SYN1: variants seen among roughly 807,000 people sequenced by gnomAD.
SYN1 encodes the protein synapsin I.
In SYN1, 8 loss-of-function variants were observed where a neutral mutation model predicts 44.6. That is an observed-to-expected ratio of 0.18 (90% CI 0.11 to 0.32). The LOEUF (loss-of-function observed/expected upper bound fraction) is 0.32. SYN1 is among the 10% of genes least tolerant of loss of function. The pLI is 1.00. For missense variants in SYN1, 451 were observed against 639.4 expected, an observed-to-expected ratio of 0.71 and a Z score of 3.18; for synonymous variants, 275 against 280.1, an observed-to-expected ratio of 0.98 and a Z score of 0.18.
At chrX:47,591,720 CA>C (rs150642282) in intron 5 of SYN1, among the ~76,000 whole-genome samples, 28,996 of 90,352 alleles carry the variant, frequency 0.32, 3,484 homozygotes, top group East Asian at 0.41. Flanking sequence ...CACCCTGTCT[CA>C]AAAAAAAAAA....
At position 47,576,546 on chromosome X, in the gene SYN1, T is replaced by C; in HGVS notation, c.932A>G (p.Lys311Arg). The stretch of plus-strand genomic sequence containing the variant: ...AATCTTCTGGACACGCACGTCATAT[T>C]TGGCATCGATGAAGGGCTCGGCAGT... ...YATAEPFIDA[K>R]YDVRVQKIGQ... The change falls in exon 7 of 13, where the codon AAA becomes AGA. Residue 311 changes from lysine (K) to arginine (R), a missense_variant. This residue lies in a region of SYN1 where 315 missense variants were observed against 451.4 expected (regional missense o/e 0.70). Transcript: ENST00000295987. 8.3e-7 allele frequency: 1 copy of C among 1,211,638 alleles called. No homozygotes were observed. Among genetic ancestry groups the C allele is most frequent in the Non-Finnish European group, 1.1e-6 (1 of 895,540 alleles).
At chrX:47,616,508 C>T (rs2057931838) in intron 1 of SYN1, among the ~76,000 whole-genome samples, 1 of 111,338 alleles carries the variant, frequency 9.0e-6, no homozygotes, top group Non-Finnish European at 1.9e-5. Flanking sequence ...GAGTGGAGAC[C>T]GGAAGTCTAA....
intron 5 of SYN1, chrX:47,583,351 G>T: frequency 8.8e-7 from 1 of 1,137,967 alleles, no homozygotes; most frequent in Admixed American, 2.4e-5. Context: ...TGGATGACCT[G>T]CCCAGGTCAG....
Position 47,576,510 on chromosome X carries a change from T to C in SYN1, c.968A>G (p.Tyr323Cys). The C allele has an allele frequency of 3.3e-6, 4 of 1,212,040 alleles. No homozygotes were observed. The highest frequency in any genetic ancestry group is 4.5e-6 in the Non-Finnish European group (4 of 895,597). The change falls in exon 7 of 13, where the codon TAC becomes TGC. Residue 323 changes from tyrosine (Y) to cysteine (C), a missense_variant. By Grantham distance (194) the Tyr-to-Cys change is radical. This residue lies in a region of SYN1 where 315 missense variants were observed against 451.4 expected (regional missense o/e 0.70). Transcript: ENST00000295987. ...DVRVQKIGQN[Y>C]KAYMRTSVSG... ...TCTCTCCACTCACATGTAGGCCTTGTAGTTCTGCCCAATCTTCTGGACACG... is the reference window on the plus strand; with the variant it reads ...TCTCTCCACTCACATGTAGGCCTTGCAGTTCTGCCCAATCTTCTGGACACG...
intron 5 of SYN1, chrX:47,583,647 C>A: frequency 1.1e-6 from 1 of 918,787 alleles, no homozygotes; most frequent in Non-Finnish European, 1.5e-6. Context: ...CCCTGCACTT[C>A]CTCTGCTTTA....
intron 5 of SYN1, among the ~76,000 whole-genome samples, chrX:47,589,303 A>AAG (rs2147921229): frequency 1.0e-5 from 1 of 95,782 alleles, no homozygotes; most frequent in East Asian, 3.4e-4. Context: ...TCAAAAAAAA[A>AAG]AAAAAAAAGG....
chrX:47,580,067 A>G (rs1325361320), intron 5 of SYN1, among the ~76,000 whole-genome samples: 3 of 110,178 alleles, frequency 2.7e-5, no homozygotes, highest in South Asian at 7.9e-4. Context: ...ATCCTCAAGA[A>G]GTGTTGGGTA....
intron 5 of SYN1, 36 bp downstream of exon 5, chrX:47,604,942 C>G: frequency 8.8e-7 from 1 of 1,134,034 alleles, no homozygotes; most frequent in Non-Finnish European, 1.2e-6. Flanking sequence ...AGTTATGACT[C>G]TTCCCTCCTG....
chrX:47,580,904 A>G lies in SYN1; in HGVS notation c.775-3403T>C, dbSNP rs558972170. Among the ~76,000 whole-genome samples the G allele has an allele frequency of 8.7e-4, 93 of 107,408 alleles. No individual in the cohort carries two copies. In the South Asian group the frequency reaches 0.015, roughly 17 times the overall value. The allele number at this position is 107,408 out of a possible 115,157, so 93.3% of individuals were successfully genotyped here. The stretch of plus-strand genomic sequence containing the variant: ...AGCTGAGATCGCGCCACTGCACTCC[A>G]GCCTAGGTGACAGAGCAAGACTCTT... On this transcript the variant is annotated intron_variant, in intron 5 of 12. Transcript: ENST00000295987.
intron 1 of SYN1, among the ~76,000 whole-genome samples, chrX:47,618,690 C>G (rs145036057): frequency 0.027 from 3,047 of 111,000 alleles, 103 homozygotes; most frequent in African/African-American, 0.096. Flanking sequence ...GGCATCCAAT[C>G]AAAACTCACA....
chrX:47,593,308 C>T (rs1265689405), intron 5 of SYN1, among the ~76,000 whole-genome samples: 3 of 103,645 alleles, frequency 2.9e-5, no homozygotes. Flanking sequence ...CTCGCTCTAT[C>T]ACCCAGGCTG....
intron 5 of SYN1, among the ~76,000 whole-genome samples, chrX:47,600,917 C>G (rs1418735783): frequency 9.0e-6 from 1 of 111,546 alleles, no homozygotes; most frequent in Non-Finnish European, 1.9e-5. Flanking sequence ...TTGTAACTGC[C>G]TATATCTAAA....
At chrX:47,581,163 T>A (rs17147652) in intron 5 of SYN1, among the ~76,000 whole-genome samples, 6,778 of 111,669 alleles carry the variant, frequency 0.061, 533 homozygotes, top group African/African-American at 0.21. Flanking sequence ...TATTGGGCTA[T>A]CATCCCTGAG....
chrX:47,579,412 C>T (rs2057788535), intron 5 of SYN1, among the ~76,000 whole-genome samples: 1 of 111,064 alleles, frequency 9.0e-6, no homozygotes, highest in Non-Finnish European at 1.9e-5. Flanking sequence ...ACAACCTCTC[C>T]CTGAGCCTCA....
At chrX:47,580,630 T>TAA (rs775907262) in intron 5 of SYN1, among the ~76,000 whole-genome samples, 9 of 81,248 alleles carry the variant, frequency 1.1e-4, no homozygotes, top group Admixed American at 4.1e-4. Flanking sequence ...AAACTCTGTC[T>TAA]AAAAAAAAAA....
Position 47,586,730 on chromosome X carries a change from C to A in SYN1, c.775-9229G>T, listed in dbSNP as rs779510865. ...TGGAAGCTGAAGCCTGCACAGTGTCCACCCTGTTCCCACTCCCATCTTTCT... is the reference window on the plus strand; with the variant it reads ...TGGAAGCTGAAGCCTGCACAGTGTCAACCCTGTTCCCACTCCCATCTTTCT... On this transcript the variant is annotated intron_variant, in intron 5 of 12. Transcript: ENST00000295987. The A allele has an allele frequency of 1.1e-5, 13 of 1,176,883 alleles. 1 individual carries two copies. In the South Asian group the frequency reaches 2.4e-4, roughly 21 times the overall value.
Position 47,582,148 on chromosome X carries a change from G to A in SYN1, c.775-4647C>T, listed in dbSNP as rs779329701. Among the ~76,000 whole-genome samples the A allele has an allele frequency of 7.1e-5, 8 of 112,545 alleles. No homozygotes were observed. In the South Asian group the frequency reaches 2.5e-3, roughly 36 times the overall value. Reference sequence around the variant, plus strand: ...TCTGGAGACTTTAGGGGACTGGGCCGGGGGAAATGCGGCCTCTAAGCTCTC... The same window carrying A: ...TCTGGAGACTTTAGGGGACTGGGCCAGGGGAAATGCGGCCTCTAAGCTCTC... On this transcript the variant is annotated intron_variant, in intron 5 of 12. Coordinates refer to ENST00000295987, the MANE Select transcript of SYN1 (RefSeq NM_006950.3).
At chrX:47,611,958 C>G (rs907820904) in intron 1 of SYN1, among the ~76,000 whole-genome samples, 1 of 111,689 alleles carries the variant, frequency 9.0e-6, no homozygotes, top group Admixed American at 9.5e-5. Flanking sequence ...CAGCATGTCC[C>G]CCACACACAA....
At chrX:47,591,876 C>A (rs1485582679) in intron 5 of SYN1, among the ~76,000 whole-genome samples, 3 of 111,623 alleles carry the variant, frequency 2.7e-5, no homozygotes, top group African/African-American at 9.8e-5. Context: ...ATTTAGATGG[C>A]AAAAACGAAA....
Sources: gnomAD v4.1 joint callset for allele counts (sites outside exome capture counted in the v4.1 genomes callset) on GRCh38, gnomAD v4.1.1 for gene constraint, gnomAD v4.1.1 regional missense constraint, MANE v1.5 for transcripts, NCBI Gene and HGNC (gene_info 2026-07-23, HGNC 2026-07-21) for gene names.